Variants in FBXL5 observed in about 807,000 individuals in gnomAD.
FBXL5 encodes the protein F-box/LRR-repeat protein 5.
A neutral mutation model predicts 78.3 loss-of-function variants in FBXL5; 26 were observed. The observed-to-expected ratio is 0.33, with a 90% CI of 0.24 to 0.46. The LOEUF is 0.46. Among genes scored for constraint, FBXL5 ranks in the 20% least tolerant of loss-of-function variants. The pLI is 1.00. For missense variants in FBXL5, 710 were observed against 829.2 expected (o/e 0.86, Z 1.77); for synonymous variants, 295 against 282.5 (o/e 1.04, Z -0.45).
intron 1 of FBXL5, among the ~76,000 whole-genome samples, chr4:15,649,573 C>T (rs1213947538): frequency 1.9e-5 from 2 of 106,908 alleles, no homozygotes; most frequent in Non-Finnish European, 3.7e-5. Flanking sequence ...GGCAAGACTA[C>T]GTCTCAAAAA....
chr4:15,673,921 A>G (rs1008430513), intron 1 of FBXL5, among the ~76,000 whole-genome samples: 2 of 152,246 alleles, frequency 1.3e-5, no homozygotes, highest in African/African-American at 4.8e-5. Context: ...TTTGTTTCCT[A>G]TTGATCAAGG....
rs1055565887 is a variant in FBXL5, at chr4:15,655,081, G to GGCT, written c.84+120_84+122dup. On this transcript the variant is annotated intron_variant, in intron 1 of 10. Transcript: ENST00000341285. ...GGGCGGCGCTGACAGCTGCGCAGGCGGCTACTCGCGCGGCGACGGCACGGG... is the reference window on the plus strand; with the variant it reads ...GGGCGGCGCTGACAGCTGCGCAGGCGGCTGCTACTCGCGCGGCGACGGCACGGG... 2.8e-5 allele frequency: 19 copies of GGCT among 677,542 alleles called. No homozygotes were observed. In the African/African-American group the frequency reaches 3.3e-4, roughly 12 times the overall value. 42.0% of individuals were successfully genotyped at this position (677,542 alleles called of 1,614,324 possible).
At chr4:15,668,097 A>G (rs1717621939) in intron 1 of FBXL5, among the ~76,000 whole-genome samples, 1 of 151,992 alleles carries the variant, frequency 6.6e-6, no homozygotes, top group Admixed American at 6.6e-5. Context: ...CGAAAAGCCA[A>G]TGATTGTAAC....
At chr4:15,649,872 AC>A (rs1339536680) in intron 1 of FBXL5, among the ~76,000 whole-genome samples, 2 of 152,166 alleles carry the variant, frequency 1.3e-5, no homozygotes, top group African/African-American at 4.8e-5. Flanking sequence ...AAGAAAATTT[AC>A]CCCACATCAT....
intron 10 of FBXL5, among the ~76,000 whole-genome samples, chr4:15,606,189 G>A (rs1459109437): frequency 2.0e-5 from 3 of 151,930 alleles, no homozygotes; most frequent in Non-Finnish European, 4.4e-5. Context: ...AACTATAATC[G>A]ATCAGCTAAA....
chr4:15,637,244 G>A (rs1714373699), intron 4 of FBXL5, among the ~76,000 whole-genome samples: 1 of 152,190 alleles, frequency 6.6e-6, no homozygotes. Flanking sequence ...TATGTTGCAG[G>A]TGAGACGACA....
At position 15,605,234 on chromosome 4, in the gene FBXL5, G is replaced by C. The variant is rs1721805312; in HGVS notation, c.*489C>G. The stretch of plus-strand genomic sequence containing the variant: ...CCTTAAATGTGGGTTTGTTTGAATT[G>C]GCCTTCTGAGAATCATTGAAATAAA... On this transcript the variant is annotated 3_prime_UTR_variant, in exon 11 of 11. Coordinates refer to ENST00000341285, the MANE Select transcript of FBXL5 (RefSeq NM_012161.4). 2 of 152,984 alleles carry C rather than the reference G, an allele frequency of 1.3e-5. No homozygotes were observed. The highest frequency in any genetic ancestry group is 2.1e-4 in the South Asian group (1 of 4,850). The allele number at this position is 152,984 out of a possible 1,614,324, so 9.5% of individuals were successfully genotyped here.
At chr4:15,658,405 A>T (rs1401627041), upstream of FBXL5, among the ~76,000 whole-genome samples, 2 of 152,216 alleles carry the variant, frequency 1.3e-5, no homozygotes. Flanking sequence ...AATCCCCAAT[A>T]AGGCAGTATT....
At chr4:15,650,192 G>A (rs773224785) in intron 1 of FBXL5, among the ~76,000 whole-genome samples, 2 of 152,098 alleles carry the variant, frequency 1.3e-5, no homozygotes, top group Non-Finnish European at 2.9e-5. Context: ...CAACGCACAG[G>A]ACAGCCCCCA....
At chr4:15,641,761 T>C in intron 2 of FBXL5, 1 of 358,464 alleles carries the variant, frequency 2.8e-6, no homozygotes, top group Non-Finnish European at 5.4e-6. Flanking sequence ...GCACGGTGGC[T>C]CATGCCTGTA....
Position 15,644,441 on chromosome 4 carries a change from A to G in FBXL5, c.300+52T>C, listed in dbSNP as rs368673713. ...CAGTGACAAGTTTTGCCAATGATATACCAGAAGATGGCACAAGTTTTGACA... is the reference window on the plus strand; with the variant it reads ...CAGTGACAAGTTTTGCCAATGATATGCCAGAAGATGGCACAAGTTTTGACA... On this transcript the variant is annotated intron_variant, in intron 2 of 10. Transcript: ENST00000341285. The G allele has an allele frequency of 9.0e-6, 13 of 1,449,532 alleles. No homozygotes were observed. The East Asian group carries it at 1.1e-4, about 13-fold the overall frequency. 89.8% of individuals were successfully genotyped at this position (1,449,532 alleles called of 1,614,324 possible).
At chr4:15,674,132 C>T (rs1220401295) in intron 1 of FBXL5, among the ~76,000 whole-genome samples, 1 of 150,848 alleles carries the variant, frequency 6.6e-6, no homozygotes, top group African/African-American at 2.4e-5. Flanking sequence ...TTGGTGCCTG[C>T]AGAATAGGAA....
chr4:15,671,515 C>T (rs1717768049), intron 1 of FBXL5, among the ~76,000 whole-genome samples: 1 of 151,938 alleles, frequency 6.6e-6, no homozygotes, highest in African/African-American at 2.4e-5. Context: ...TCAAAGCAAT[C>T]CTCCTGCCTC....
chr4:15,628,020 C>T lies in FBXL5; in HGVS notation c.906G>A (p.Glu302=), dbSNP rs34792289. 198 of 1,613,280 alleles carry T rather than the reference C, an allele frequency of 1.2e-4. No individual in the cohort carries two copies. The African/African-American group carries it at 2.1e-3, about 17-fold the overall frequency. Residue 302 remains glutamate, a synonymous_variant, in exon 7 of 11, where the codon GAG becomes GAA. Coordinates refer to ENST00000341285, the MANE Select transcript of FBXL5 (RefSeq NM_012161.4). ...ADIDESEESA[E]ESIAISIAQM... is the part of the protein sequence containing the mutation. ...GTGCAATGCTGATAGCAATTGATTC[C>T]TCCGCAGACTCTTCTGTAAAATGAA...
At chr4:15,659,068 C>T (rs1467895048), upstream of FBXL5, among the ~76,000 whole-genome samples, 1 of 152,160 alleles carries the variant, frequency 6.6e-6, no homozygotes, top group African/African-American at 2.4e-5. Flanking sequence ...ATTTCAGTCC[C>T]TCCTGTGCTT....
Position 15,625,619 on chromosome 4 carries a change from C to T in FBXL5, c.1483G>A (p.Glu495Lys). 1 of 1,614,160 alleles carries T rather than the reference C, an allele frequency of 6.2e-7. No individual in the cohort carries two copies. Among genetic ancestry groups the T allele is most frequent in the Non-Finnish European group, 8.5e-7 (1 of 1,180,020 alleles). ...CTTTCAACATTTCTATGTCTCCATTCCACAGTATCTTCAATATCAGCCAAA... is the reference window on the plus strand; with the variant it reads ...CTTTCAACATTTCTATGTCTCCATTTCACAGTATCTTCAATATCAGCCAAA... ...EDLADIEDTV[E>K]WRHRNVESLC... is the part of the protein sequence containing the mutation. The change falls in exon 9 of 11, where the codon GAA (glutamate) becomes AAA (lysine). Residue 495 changes from glutamate (E) to lysine (K), a missense_variant. This residue lies in a region of FBXL5 where 517 missense variants were observed against 542.9 expected (regional missense o/e 0.95). Transcript: ENST00000341285.
At chr4:15,654,971 C>A (rs1390640442) in intron 1 of FBXL5, among the ~76,000 whole-genome samples, 1 of 151,594 alleles carries the variant, frequency 6.6e-6, no homozygotes, top group East Asian at 1.9e-4. Flanking sequence ...CGGCAGGGGA[C>A]GCCGCCCGCC....
upstream of FBXL5, among the ~76,000 whole-genome samples, chr4:15,660,869 G>C (rs150228632): frequency 8.3e-3 from 1,261 of 152,206 alleles, 15 homozygotes; most frequent in African/African-American, 0.029. Context: ...TTCAGGTCAG[G>C]AGTTTGAAAC....
chr4:15,658,757 A>T (rs1410470892), upstream of FBXL5, among the ~76,000 whole-genome samples: 3 of 152,228 alleles, frequency 2.0e-5, no homozygotes, highest in Non-Finnish European at 2.9e-5. Context: ...ACAGACTAAG[A>T]CAGGCACATA....
Sources: gnomAD v4.1 joint callset for allele counts (sites outside exome capture counted in the v4.1 genomes callset) on GRCh38, gnomAD v4.1.1 for gene constraint, gnomAD v4.1.1 regional missense constraint, MANE v1.5 for transcripts, NCBI Gene and HGNC (gene_info 2026-07-23, HGNC 2026-07-21) for gene names.